The following LRRC71 variants were observed in gnomAD, a reference collection of about 807,000 sequenced individuals.
LRRC71 encodes the protein leucine rich repeat containing 71.
In LRRC71, 54 loss-of-function variants were observed where a neutral mutation model predicts 66.6. The ratio of observed to expected loss-of-function variants is 0.81; its 90% confidence interval spans 0.65 to 1.02. LRRC71 has a LOEUF of 1.02. Among genes scored for constraint, LRRC71 ranks in the 50% least tolerant of loss-of-function variants. The pLI, the probability that LRRC71 is intolerant of heterozygous loss-of-function variation, is 0.00. For synonymous variants in LRRC71, 323 were observed against 303.9 expected (o/e 1.06, Z -0.65); for missense variants, 724 against 718.0 (o/e 1.01, Z -0.10).
At chr1:156,933,100 T>A, downstream of LRRC71, 2 of 644,974 alleles carry the variant, frequency 3.1e-6, no homozygotes, top group East Asian at 5.6e-5. Flanking sequence ...CTTGAGGTCG[T>A]CTGAAAACTT....
chr1:156,933,200 G>C (rs554506895), downstream of LRRC71: 2 of 481,808 alleles, frequency 4.2e-6, no homozygotes, highest in Non-Finnish European at 7.4e-6. Context: ...TTACAGTTCC[G>C]CTGGGGATGA....
chr1:156,936,964 C>G, downstream of LRRC71: 1 of 1,614,164 alleles, frequency 6.2e-7, no homozygotes, highest in Non-Finnish European at 8.5e-7. Flanking sequence ...ATGACTCTCC[C>G]CCAAGGGACT....
At chr1:156,930,060 T>TTCTTTCTC (rs746194831) in intron 11 of LRRC71, among the ~76,000 whole-genome samples, 3 of 126,234 alleles carry the variant, frequency 2.4e-5, no homozygotes, top group East Asian at 2.5e-4. Flanking sequence ...CTTTCTTTCT[T>TTCTTTCTC]TTTCTTTCTT....
intron 1 of LRRC71, among the ~76,000 whole-genome samples, chr1:156,922,445 G>A (rs112558936): frequency 7.2e-5 from 11 of 152,142 alleles, no homozygotes; most frequent in African/African-American, 1.4e-4. Context: ...GCTCGTGTCC[G>A]GTAGAGAGTG....
chr1:156,928,497 TTCCTCC>T (rs779080739), intron 9 of LRRC71, among the ~76,000 whole-genome samples: 5 of 144,166 alleles, frequency 3.5e-5, no homozygotes, highest in Non-Finnish European at 7.5e-5. Context: ...CCTCCTCTTC[TTCCTCC>T]TCCTCCTCCT....
Position 156,920,742 on chromosome 1 carries a change from A to G in LRRC71, c.-62A>G. The G allele has an allele frequency of 7.0e-7, 1 of 1,431,728 alleles. No individual in the cohort carries two copies. The highest frequency in any genetic ancestry group is 9.2e-7 in the Non-Finnish European group (1 of 1,089,480). The allele number at this position is 1,431,728 out of a possible 1,614,324, so 88.7% of individuals were successfully genotyped here. On this transcript the variant is annotated 5_prime_UTR_variant, in exon 1 of 15. Transcript: ENST00000337428. The surrounding 1 kb of genome is among the most constrained non-coding windows in gnomAD (Gnocchi z 4.9). ...CAGCCACCCCCAGACTGAGCCCCGT[A>G]GAGTGCGTTCTTACCTTCCTGCCCC...
downstream of LRRC71, chr1:156,935,630 T>TA (rs1004302632): frequency 5.0e-6 from 1 of 201,622 alleles, no homozygotes; most frequent in Non-Finnish European, 9.9e-6. Context: ...AAAGTGCATT[T>TA]ACACAGAAGC....
chr1:156,932,371 G>A (rs1343387484), intron 13 of LRRC71, 53 bp from the exon 14 acceptor site: 7 of 1,434,086 alleles, frequency 4.9e-6, no homozygotes, highest in African/African-American at 1.4e-5. Context: ...GGTGTGTCAG[G>A]TGCCAATGAG....
chr1:156,935,391 G>A (rs1654870437), downstream of LRRC71: 1 of 152,206 alleles, frequency 6.6e-6, no homozygotes, highest in Non-Finnish European at 1.5e-5. Flanking sequence ...CTCGATCCTG[G>A]AACTGGGTTG....
the LRRC71 span, chr1:156,940,150 C>G: frequency 6.6e-7 from 1 of 1,508,194 alleles, no homozygotes; most frequent in South Asian, 1.3e-5. Context: ...CCTGCCAGTT[C>G]ACACTGGGTG....
At chr1:156,931,874 G>T in intron 12 of LRRC71, 42 bp from the exon 13 acceptor site, 1 of 1,458,022 alleles carries the variant, frequency 6.9e-7, no homozygotes, top group Admixed American at 2.0e-5. Context: ...CTGTTGACCA[G>T]CTCCCCTGCT....
At chr1:156,938,441 A>C in the LRRC71 span, 6 of 1,613,648 alleles carry the variant, frequency 3.7e-6, 1 homozygote, top group African/African-American at 5.3e-5. Context: ...TCCGCCTTCC[A>C]CTTCAGGTGG....
chr1:156,924,621 C>G (rs771214163), intron 3 of LRRC71, 22 bp from the exon 4 acceptor site: 52 of 1,551,554 alleles, frequency 3.4e-5, no homozygotes, highest in Non-Finnish European at 2.3e-5. Flanking sequence ...GTCTGAGGCA[C>G]CTGCCTCCTC....
chr1:156,927,433 C>T (rs1653373472), intron 6 of LRRC71, 63 bp from the exon 7 acceptor site: 1 of 1,520,402 alleles, frequency 6.6e-7, no homozygotes, highest in Admixed American at 2.1e-5. Context: ...TCAAGTCTCC[C>T]ATATTCCGGC....
In LRRC71 at chr1:156,932,878, C is replaced by T. The variant is rs1281888181; in HGVS notation, c.1589C>T (p.Pro530Leu). ...AAAAATTGCTTCGCCCCACAATGTC[C>T]TGCGTACGCCATAATCCAGGAGCTG... ...LAKNCFAPQCPAYAIIQELML... is the reference protein window; with the variant it reads ...LAKNCFAPQCLAYAIIQELML... The change falls in exon 15 of 15, where the codon CCT becomes CTT. Residue 530 changes from proline (P) to leucine (L), a missense_variant. Coordinates refer to ENST00000337428, the MANE Select transcript of LRRC71 (RefSeq NM_144702.3). 4 of 1,609,732 alleles carry T rather than the reference C, an allele frequency of 2.5e-6. No homozygotes were observed. The African/African-American group carries it at 5.4e-5, about 22-fold the overall frequency.
At chr1:156,931,121 GCC>G (rs1654308137) in intron 12 of LRRC71, among the ~76,000 whole-genome samples, 1 of 152,118 alleles carries the variant, frequency 6.6e-6, no homozygotes, top group Admixed American at 6.5e-5. Flanking sequence ...GATCTTCTCT[GCC>G]CCCTTACAAC....
chr1:156,921,072 T>G lies in LRRC71; in HGVS notation c.160+109T>G, dbSNP rs370924867. 3.2e-6 allele frequency: 4 copies of G among 1,247,598 alleles called. No individual in the cohort carries two copies. The East Asian group carries it at 8.9e-5, about 28-fold the overall frequency. The allele number at this position is 1,247,598 out of a possible 1,614,324, so 77.3% of individuals were successfully genotyped here. ...ATGGCTGAACTCATACATACCTACG[T>G]TGAGTTCCTGAATCTCGGCTTGATA... On this transcript the variant is annotated intron_variant, in intron 1 of 14. Coordinates refer to ENST00000337428, the MANE Select transcript of LRRC71 (RefSeq NM_144702.3).
At position 156,930,660 on chromosome 1, in the gene LRRC71, G is replaced by A. The variant is rs1473285368; in HGVS notation, c.1329+43G>A. Reference sequence around the variant, plus strand: ...GTGGAGGCAGGGGGCACACCCCTGGGATTCCAGGCTTGCCTGAGACGTCTC... The same window carrying A: ...GTGGAGGCAGGGGGCACACCCCTGGAATTCCAGGCTTGCCTGAGACGTCTC... On this transcript the variant is annotated intron_variant, in intron 12 of 14. Coordinates refer to ENST00000337428, the MANE Select transcript of LRRC71 (RefSeq NM_144702.3). 4 of 1,514,678 alleles carry A rather than the reference G, an allele frequency of 2.6e-6. No individual in the cohort carries two copies. The Admixed American group carries it at 5.9e-5, about 22-fold the overall frequency. 93.8% of individuals were successfully genotyped at this position (1,514,678 alleles called of 1,614,324 possible). A position where few individuals can be genotyped will look rare whatever the true frequency, so the allele number is the denominator to read the frequency against.
At chr1:156,939,967 G>C in the LRRC71 span, 2 of 1,580,760 alleles carry the variant, frequency 1.3e-6, no homozygotes, top group Non-Finnish European at 8.5e-7. Context: ...CACGCCAGAA[G>C]GATCGTTGTA....
Sources: gnomAD v4.1 joint callset for allele counts (sites outside exome capture counted in the v4.1 genomes callset) on GRCh38, gnomAD v4.1.1 for gene constraint, Gnocchi (gnomAD v3.1) non-coding constraint, MANE v1.5 for transcripts, NCBI Gene and HGNC (gene_info 2026-07-23, HGNC 2026-07-21) for gene names.